The following CUX1 variants were observed in gnomAD, a reference collection of about 807,000 sequenced individuals.
CUX1 encodes protein CASP.
Under a neutral mutation model 158.8 loss-of-function variants are expected in CUX1, and 31 were observed. The ratio of observed to expected loss-of-function variants is 0.20; its 90% CI spans 0.15 to 0.26. The LOEUF (loss-of-function observed/expected upper bound fraction) is 0.26, where lower values mean the gene tolerates loss of function less well. CUX1 is among the 10% of genes least tolerant of loss of function. The pLI, the probability that CUX1 is intolerant of heterozygous loss-of-function variation, is 1.00. For synonymous variants in CUX1, 879 were observed against 862.1 expected, an observed-to-expected ratio of 1.02 and a Z score of -0.34; for missense variants, 1,589 against 2,014.6, an observed-to-expected ratio of 0.79 and a Z score of 4.04.
At chr7:102,187,935 A>G (rs1793809527) in intron 11 of CUX1, among the ~76,000 whole-genome samples, 1 of 152,124 alleles carries the variant, frequency 6.6e-6, no homozygotes, top group South Asian at 2.1e-4. Context: ...ACCTACAGGC[A>G]TGGTGGCTCA....
At chr7:102,082,273 CCCA>C (rs1391024641) in intron 4 of CUX1, among the ~76,000 whole-genome samples, 24 of 147,020 alleles carry the variant, frequency 1.6e-4, no homozygotes, top group African/African-American at 5.8e-4. Flanking sequence ...CGCCTGTAAT[CCCA>C]CCACTTTGGG....
chr7:102,054,879 G>A (rs541705882), intron 3 of CUX1, among the ~76,000 whole-genome samples: 1 of 152,194 alleles, frequency 6.6e-6, no homozygotes, highest in South Asian at 2.1e-4. Flanking sequence ...GCTGTGGCAG[G>A]AGGATCACTT....
chr7:102,196,523 CACT>C (rs1326172939), intron 14 of CUX1, 108 bp from the exon 15 acceptor site: 8 of 1,049,466 alleles, frequency 7.6e-6, no homozygotes, highest in Middle Eastern at 2.4e-4. Context: ...AAAAAACCTG[CACT>C]TTTTTTTGTT....
At chr7:102,263,032 G>A (rs1790525926), downstream of CUX1, among the ~76,000 whole-genome samples, 1 of 123,490 alleles carries the variant, frequency 8.1e-6, no homozygotes, top group Non-Finnish European at 1.8e-5. Context: ...TTTTTTTTTG[G>A]AGATGAAGTC....
At chr7:102,100,809 G>GA (rs60927683) in intron 5 of CUX1, among the ~76,000 whole-genome samples, 4 of 148,922 alleles carry the variant, frequency 2.7e-5, no homozygotes, top group South Asian at 2.1e-4. Context: ...CTTAAAAAAA[G>GA]AAAAAAAAAA....
At chr7:102,185,030 A>G (rs993049834) in intron 11 of CUX1, among the ~76,000 whole-genome samples, 1 of 152,110 alleles carries the variant, frequency 6.6e-6, no homozygotes, top group Non-Finnish European at 1.5e-5. Context: ...TGACAGCGGG[A>G]GCCACTCCAG....
chr7:102,209,058 TA>T (rs1330333981), intron 20 of CUX1, among the ~76,000 whole-genome samples: 3 of 152,176 alleles, frequency 2.0e-5, no homozygotes, highest in African/African-American at 7.2e-5. Flanking sequence ...TGTGCTCGGT[TA>T]CCATGGTGAT....
intron 2 of CUX1, among the ~76,000 whole-genome samples, chr7:101,932,796 ATG>A (rs571037789): frequency 6.6e-6 from 1 of 152,250 alleles, no homozygotes; most frequent in Non-Finnish European, 1.5e-5. Flanking sequence ...AGGAAAAGTG[ATG>A]TGTGAATAGA....
At chr7:102,185,159 C>G (rs1243179329) in intron 11 of CUX1, among the ~76,000 whole-genome samples, 1 of 152,178 alleles carries the variant, frequency 6.6e-6, no homozygotes, top group Non-Finnish European at 1.5e-5. Context: ...ACCAGAGACT[C>G]TCTTCAGATC....
intron 8 of CUX1, among the ~76,000 whole-genome samples, chr7:102,119,809 A>T (rs1831844745): frequency 6.6e-6 from 1 of 152,080 alleles, no homozygotes; most frequent in Non-Finnish European, 1.5e-5. Context: ...AGCCTCTCAA[A>T]GTGCTGGGAT....
At chr7:101,895,844 G>A (rs987952271) in intron 1 of CUX1, among the ~76,000 whole-genome samples, 43 of 151,432 alleles carry the variant, frequency 2.8e-4, no homozygotes, top group Non-Finnish European at 5.4e-4. Flanking sequence ...GGAAGGGGGC[G>A]GATTATTGGT....
intron 12 of CUX1, among the ~76,000 whole-genome samples, chr7:102,190,375 G>A (rs59476027): frequency 0.053 from 8,014 of 152,204 alleles, 265 homozygotes; most frequent in Non-Finnish European, 0.067. Flanking sequence ...CAGTTCTCAA[G>A]CTTCAAAGTT....
chr7:102,204,047 A>G (rs1554520434), intron 18 of CUX1, among the ~76,000 whole-genome samples: 1 of 152,158 alleles, frequency 6.6e-6, no homozygotes, highest in Non-Finnish European at 1.5e-5. Context: ...GTGAAGAGCA[A>G]GGTGCTTGTA....
chr7:101,861,234 T>C (rs1216597559), intron 1 of CUX1, among the ~76,000 whole-genome samples: 1 of 152,198 alleles, frequency 6.6e-6, no homozygotes, highest in East Asian at 1.9e-4. Flanking sequence ...TTCCTTTAGC[T>C]GCGCCCACCA....
intron 5 of CUX1, among the ~76,000 whole-genome samples, chr7:102,101,284 A>G (rs945280128): frequency 1.3e-5 from 2 of 152,202 alleles, no homozygotes; most frequent in Non-Finnish European, 2.9e-5. Context: ...TGATGAGTAA[A>G]TGGAGGCCCC....
Position 102,070,411 on chromosome 7 carries a change from G to C in CUX1, c.262G>C (p.Val88Leu), listed in dbSNP as rs148322402. 3.7e-6 allele frequency: 6 copies of C among 1,608,346 alleles called. No homozygotes were observed. The highest frequency in any genetic ancestry group is 5.1e-6 in the Non-Finnish European group (6 of 1,178,188). The change falls in exon 4 of 24, where the codon GTC becomes CTC. Residue 88 changes from valine (V) to leucine (L), a missense_variant. Val to Leu is a conservative substitution (Grantham distance 32). Transcript: ENST00000292535. ...GAATGTCTACAAAAGATTGATTGACGTCCCAGGTAAGCCCCGGCAGTAATG... is the reference window on the plus strand; with the variant it reads ...GAATGTCTACAAAAGATTGATTGACCTCCCAGGTAAGCCCCGGCAGTAATG... ...FLNVYKRLID[V>L]PDPVPALDLG... is the part of the protein sequence containing the mutation.
intron 1 of CUX1, among the ~76,000 whole-genome samples, chr7:101,889,779 A>G (rs1200130004): frequency 6.6e-6 from 1 of 152,156 alleles, no homozygotes; most frequent in Non-Finnish European, 1.5e-5. Context: ...CTCAAAAAAT[A>G]AATAAACAAA....
chr7:102,172,185 G>C (rs1312929451), intron 10 of CUX1, among the ~76,000 whole-genome samples: 4 of 152,026 alleles, frequency 2.6e-5, no homozygotes, highest in Non-Finnish European at 4.4e-5. Flanking sequence ...TCCACCTCCC[G>C]GGTTCAAGCA....
rs1227813299 is a variant in CUX1, at chr7:102,258,070, CCT to C, written c.*9031_*9032del. 17 of 985,046 alleles carry C rather than the reference CCT, an allele frequency of 1.7e-5. No individual in the cohort carries two copies. The African/African-American group carries it at 2.6e-4, about 15-fold the overall frequency. 61.0% of individuals were successfully genotyped at this position (985,046 alleles called of 1,614,324 possible). On this transcript the variant is annotated 3_prime_UTR_variant, in exon 24 of 24. Coordinates refer to ENST00000292535, the MANE Select transcript of CUX1 (RefSeq NM_181552.4). ...CACCCGTCGGCCCCTTGGTGTTGTC[CCT>C]CTGTCTTTGGTTAGCCATACGATGT...
Sources: allele counts gnomAD v4.1 joint callset (sites outside exome capture counted in the v4.1 genomes callset), GRCh38; gene constraint gnomAD v4.1.1; transcripts MANE v1.5; gene names NCBI Gene and HGNC (gene_info 2026-07-23, HGNC 2026-07-21).